PCDH11X: variants seen among roughly 807,000 people sequenced by gnomAD.
The protein encoded by PCDH11X is protocadherin 11 X-linked.
Under a neutral mutation model 53.3 loss-of-function variants are expected in PCDH11X, and 18 were observed. The ratio of observed to expected loss-of-function variants is 0.34; its 90% CI spans 0.23 to 0.50. The LOEUF (loss-of-function observed/expected upper bound fraction) is 0.50, where lower values mean the gene tolerates loss of function less well. Among genes scored for constraint, PCDH11X ranks in the 20% least tolerant of loss-of-function variants. PCDH11X has a pLI of 0.98. For synonymous variants in PCDH11X, 279 were observed against 393.3 expected (o/e 0.71, Z 3.44); for missense variants, 570 against 1,032.4 (o/e 0.55, Z 6.14).
Position 92,622,175 on chromosome X carries a change from A to C in PCDH11X, c.*3235A>C, listed in dbSNP as rs1348169733. ...TATGTAAATTTGGTTAGAAAATAATAATAAATGGTTAGTGCTATTGTGTAA... is the reference window on the plus strand; with the variant it reads ...TATGTAAATTTGGTTAGAAAATAATCATAAATGGTTAGTGCTATTGTGTAA... On this transcript the variant is annotated 3_prime_UTR_variant, in exon 11 of 11. Transcript: ENST00000682573. 1.0e-5 allele frequency: 1 copy of C among 99,441 alleles called. No homozygotes were observed. 8.2% of individuals were successfully genotyped at this position (99,441 alleles called of 1,213,427 possible).
At position 92,352,550 on chromosome X, in the gene PCDH11X, G is replaced by C. The variant is rs772027946; in HGVS notation, c.3145-35185G>C. ...TGAGCTAGTGTAATTCTTGGGGCAT[G>C]TTAAGGAACCTTGTTTCTTCATATG... On this transcript the variant is annotated intron_variant, in intron 8 of 10. Transcript: ENST00000682573. Among the ~76,000 whole-genome samples the C allele has an allele frequency of 1.6e-3, 179 of 110,997 alleles. 1 individual carries two copies. Among genetic ancestry groups the C allele is most frequent in the African/African-American group, 5.6e-3 (170 of 30,520 alleles).
At chrX:92,011,612 C>T (rs1410795513) in intron 6 of PCDH11X, among the ~76,000 whole-genome samples, 1 of 111,063 alleles carries the variant, frequency 9.0e-6, no homozygotes, top group East Asian at 2.8e-4. Context: ...TGGCCTTGAA[C>T]GATTTTACAA....
intron 9 of PCDH11X, among the ~76,000 whole-genome samples, chrX:92,423,335 T>G (rs2072022127): frequency 1.0e-5 from 1 of 97,538 alleles, no homozygotes; most frequent in South Asian, 4.2e-4. Context: ...GTTTTTGTTT[T>G]GTTTTGTTTT....
At chrX:92,051,945 A>G (rs1282675883) in intron 6 of PCDH11X, among the ~76,000 whole-genome samples, 1 of 108,515 alleles carries the variant, frequency 9.2e-6, no homozygotes, top group African/African-American at 3.4e-5. Flanking sequence ...CATTGTGAAC[A>G]CTTTCAACTC....
rs1243180878 is a variant in PCDH11X, at chrX:92,620,262, C to A, written c.*1322C>A. The A allele has an allele frequency of 1.8e-5, 2 of 110,878 alleles. No homozygotes were observed. Among genetic ancestry groups the A allele is most frequent in the Non-Finnish European group, 3.8e-5 (2 of 52,882 alleles). The allele number at this position is 110,878 out of a possible 1,213,427, so 9.1% of individuals were successfully genotyped here. On this transcript the variant is annotated 3_prime_UTR_variant, in exon 11 of 11. Coordinates refer to ENST00000682573, the MANE Select transcript of PCDH11X (RefSeq NM_032968.5). ...ATGAAATAAAATATATTCTTCTAAG[C>A]AAAGAAACAGTACTATTCATAGAAA...
At chrX:92,544,186 A>G (rs181745308) in intron 10 of PCDH11X, among the ~76,000 whole-genome samples, 5 of 111,488 alleles carry the variant, frequency 4.5e-5, no homozygotes, top group African/African-American at 6.5e-5. Context: ...CTTCTTGAGC[A>G]TGATTCACAC....
At chrX:92,046,662 TA>T (rs200621390) in intron 6 of PCDH11X, among the ~76,000 whole-genome samples, 3,687 of 111,358 alleles carry the variant, frequency 0.033, 154 homozygotes, top group African/African-American at 0.11. Flanking sequence ...TATTTTTTTT[TA>T]TCTGAGAGGA....
At chrX:92,558,468 T>C (rs1052627168) in intron 10 of PCDH11X, among the ~76,000 whole-genome samples, 2 of 111,570 alleles carry the variant, frequency 1.8e-5, no homozygotes, top group African/African-American at 6.5e-5. Context: ...GGGAAGGAAC[T>C]GGTTAAAGAG....
intron 8 of PCDH11X, among the ~76,000 whole-genome samples, chrX:92,296,510 G>C (rs1422283366): frequency 9.1e-6 from 1 of 110,095 alleles, no homozygotes; most frequent in African/African-American, 3.3e-5. Context: ...CTGGTTTTCT[G>C]TTCCTGTGTT....
At chrX:92,295,996 T>C (rs1309175357) in intron 8 of PCDH11X, among the ~76,000 whole-genome samples, 1 of 108,931 alleles carries the variant, frequency 9.2e-6, no homozygotes, top group Non-Finnish European at 1.9e-5. Flanking sequence ...GGCAGGAGAA[T>C]CGCTTGAACC....
intron 6 of PCDH11X, among the ~76,000 whole-genome samples, chrX:91,891,684 ATAAAT>A (rs1251276084): frequency 9.5e-6 from 1 of 105,189 alleles, no homozygotes; most frequent in Non-Finnish European, 1.9e-5. Context: ...TTCAGACAAG[ATAAAT>A]TAAATATTTC....
intron 6 of PCDH11X, among the ~76,000 whole-genome samples, chrX:92,001,474 T>TTC (rs1278262392): frequency 9.4e-5 from 7 of 74,209 alleles, no homozygotes; most frequent in Non-Finnish European, 2.0e-4. Context: ...TTTTCTTTCT[T>TTC]TTTTTTTTTT....
rs755502499 is a variant in PCDH11X at position 92,493,819 on chromosome X, TG to T, written c.3367+25498del. Among the ~76,000 whole-genome samples the T allele has an allele frequency of 5.6e-5, 6 of 106,290 alleles. No individual in the cohort carries two copies. In the South Asian group the frequency reaches 2.7e-3, roughly 47 times the overall value. 92.3% of individuals were successfully genotyped at this position (106,290 alleles called of 115,157 possible). A position where few individuals can be genotyped will look rare whatever the true frequency, so the allele number is the denominator to read the frequency against. The stretch of plus-strand genomic sequence containing the variant: ...ACACCACCATGCCAGGCTAATTTTT[TG>T]TATTTTAGTAGTGACGGGGTTTCAC... On this transcript the variant is annotated intron_variant, in intron 10 of 10. Transcript: ENST00000682573.
chrX:92,399,737 G>T (rs1569480818), intron 9 of PCDH11X, among the ~76,000 whole-genome samples: 1 of 104,912 alleles, frequency 9.5e-6, no homozygotes, highest in Non-Finnish European at 1.9e-5. Context: ...CATCTTATTT[G>T]TATTTATTTA....
At chrX:91,880,608 A>T (rs1261571720) in intron 6 of PCDH11X, among the ~76,000 whole-genome samples, 1 of 111,275 alleles carries the variant, frequency 9.0e-6, no homozygotes, top group Non-Finnish European at 1.9e-5. Context: ...ATGTGGGTGC[A>T]TTTTTGTTAC....
intron 7 of PCDH11X, among the ~76,000 whole-genome samples, chrX:92,221,455 C>T (rs2066878868): frequency 9.1e-6 from 1 of 110,005 alleles, no homozygotes; most frequent in East Asian, 2.9e-4. Flanking sequence ...TAGATAAAGG[C>T]CAGAGACATT....
intron 6 of PCDH11X, among the ~76,000 whole-genome samples, chrX:92,085,647 T>A (rs1016967126): frequency 2.7e-5 from 3 of 110,017 alleles, no homozygotes; most frequent in Non-Finnish European, 5.7e-5. Flanking sequence ...AATTCTACCA[T>A]CTGGCGTATT....
chrX:91,982,296 C>A (rs1051776411), intron 6 of PCDH11X, among the ~76,000 whole-genome samples: 3 of 107,243 alleles, frequency 2.8e-5, no homozygotes, highest in Non-Finnish European at 5.8e-5. Flanking sequence ...GTTAGGAAAC[C>A]AAGGTTCGAT....
intron 6 of PCDH11X, among the ~76,000 whole-genome samples, chrX:92,182,706 T>G (rs927287514): frequency 8.9e-6 from 1 of 112,063 alleles, no homozygotes; most frequent in Non-Finnish European, 1.9e-5. Context: ...CTTTGCTTAC[T>G]GCCATCCATG....
Sources: allele counts gnomAD v4.1 joint callset (sites outside exome capture counted in the v4.1 genomes callset), GRCh38; gene constraint gnomAD v4.1.1; transcripts MANE v1.5; gene names NCBI Gene and HGNC (gene_info 2026-07-23, HGNC 2026-07-21).